The following RAD51B variants were observed in gnomAD, a reference collection of about 807,000 sequenced individuals.
RAD51B encodes the protein DNA repair protein RAD51 homolog 2.
A neutral mutation model predicts 42.2 loss-of-function variants in RAD51B; 38 were observed. The observed-to-expected ratio is 0.90, with a 90% CI of 0.70 to 1.18. RAD51B has a LOEUF of 1.18. Ranked by LOEUF, RAD51B falls within the 50% of genes most tolerant of loss-of-function variation. RAD51B has a pLI of 0.00. For synonymous variants in RAD51B, 154 were observed against 145.2 expected (o/e 1.06, Z -0.43); for missense variants, 373 against 400.7 (o/e 0.93, Z 0.59).
intron 7 of RAD51B, among the ~76,000 whole-genome samples, chr14:68,125,759 G>T (rs418462): frequency 0.28 from 42,715 of 149,892 alleles, 8,632 homozygotes; most frequent in African/African-American, 0.58. Flanking sequence ...GTTTTGTTTT[G>T]TTTTTTCAAA....
chr14:67,823,495 T>G lies in RAD51B; in HGVS notation c.-2-47T>G. 4 of 1,535,046 alleles carry G rather than the reference T, an allele frequency of 2.6e-6. No individual in the cohort carries two copies. In the South Asian group the frequency reaches 3.4e-5, roughly 13 times the overall value. ...CCTATTCACTATCACTTATGTTATA[T>G]TCTGTTGTTTTTTTCATGGTTCTTC... On this transcript the variant is annotated intron_variant, in intron 1 of 10. Transcript: ENST00000471583.
chr14:68,620,939 A>T (rs1404288799), intron 10 of RAD51B, among the ~76,000 whole-genome samples: 1 of 152,210 alleles, frequency 6.6e-6, no homozygotes, highest in Non-Finnish European at 1.5e-5. Flanking sequence ...TTTGTATAGT[A>T]AACACTCTAT....
At chr14:67,899,243 G>A (rs371917657) in intron 7 of RAD51B, among the ~76,000 whole-genome samples, 1 of 151,626 alleles carries the variant, frequency 6.6e-6, no homozygotes, top group East Asian at 1.9e-4. Flanking sequence ...TAGAGACGGG[G>A]TTTCACCATG....
intron 7 of RAD51B, among the ~76,000 whole-genome samples, chr14:68,196,190 CAAAAA>C (rs538516792): frequency 8.9e-6 from 1 of 112,244 alleles, no homozygotes; most frequent in African/African-American, 3.6e-5. Flanking sequence ...GACTCCATCT[CAAAAA>C]AAAAAAAAAA....
chr14:68,100,696 A>G (rs2140549339), intron 7 of RAD51B, among the ~76,000 whole-genome samples: 1 of 152,270 alleles, frequency 6.6e-6, no homozygotes, highest in East Asian at 1.9e-4. Context: ...TGAATATTGA[A>G]TTGGCTAAAA....
intron 7 of RAD51B, among the ~76,000 whole-genome samples, chr14:67,909,265 A>AAGAGC (rs1432524342): frequency 1.8e-4 from 28 of 152,344 alleles, no homozygotes; most frequent in African/African-American, 6.5e-4. Context: ...GTGAGGTAAT[A>AAGAGC]AGAGCTTAAA....
At chr14:68,131,627 C>T (rs778277624) in intron 7 of RAD51B, among the ~76,000 whole-genome samples, 7 of 152,032 alleles carry the variant, frequency 4.6e-5, no homozygotes, top group Non-Finnish European at 8.8e-5. Flanking sequence ...ACCCAGTGGG[C>T]GGAGGTTGCA....
chr14:68,395,089 C>T (rs1441040178), intron 8 of RAD51B, among the ~76,000 whole-genome samples: 4 of 152,132 alleles, frequency 2.6e-5, no homozygotes, highest in Non-Finnish European at 5.9e-5. Context: ...ACATTCTCCA[C>T]GGCCATCTGT....
intron 7 of RAD51B, among the ~76,000 whole-genome samples, chr14:68,204,716 C>T (rs561858457): frequency 6.6e-6 from 1 of 152,170 alleles, no homozygotes; most frequent in South Asian, 2.1e-4. Flanking sequence ...TAAAAAATAG[C>T]CGTTTACCCT....
chr14:68,042,382 G>T (rs781558724), intron 7 of RAD51B, among the ~76,000 whole-genome samples: 8 of 152,108 alleles, frequency 5.3e-5, no homozygotes, highest in African/African-American at 9.7e-5. Flanking sequence ...ATTACAGGAG[G>T]TACTGAAAGA....
chr14:68,526,750 A>G (rs558975915), intron 10 of RAD51B, among the ~76,000 whole-genome samples: 2 of 152,332 alleles, frequency 1.3e-5, no homozygotes, highest in Admixed American at 1.3e-4. Flanking sequence ...AGCCCACTGC[A>G]TGGCCCACCA....
At chr14:67,952,623 C>T (rs1388623128) in intron 7 of RAD51B, among the ~76,000 whole-genome samples, 1 of 151,376 alleles carries the variant, frequency 6.6e-6, no homozygotes, top group Non-Finnish European at 1.5e-5. Flanking sequence ...AAGTAAGTGA[C>T]ATCACACCTT....
At chr14:68,043,049 G>C (rs1216491455) in intron 7 of RAD51B, among the ~76,000 whole-genome samples, 1 of 150,872 alleles carries the variant, frequency 6.6e-6, no homozygotes, top group Non-Finnish European at 1.5e-5. Context: ...TCTTTGAATG[G>C]GGAAAAAAAA....
intron 10 of RAD51B, chr14:68,497,616 C>A: frequency 1.3e-6 from 1 of 785,878 alleles, no homozygotes; most frequent in Non-Finnish European, 1.6e-6. Context: ...CAACCAGCAT[C>A]TCTGTCTAGT....
chr14:68,175,754 G>A (rs1422442755), intron 7 of RAD51B, among the ~76,000 whole-genome samples: 1 of 152,128 alleles, frequency 6.6e-6, no homozygotes, highest in Non-Finnish European at 1.5e-5. Context: ...AGTACTGGTA[G>A]AAAATGTGTG....
intron 7 of RAD51B, among the ~76,000 whole-genome samples, chr14:68,145,981 A>T (rs2078239423): frequency 6.6e-6 from 1 of 152,218 alleles, no homozygotes; most frequent in Non-Finnish European, 1.5e-5. Flanking sequence ...GAACAGCTTC[A>T]GTGTGAAATT....
At chr14:68,377,155 C>T (rs1419514595) in intron 8 of RAD51B, among the ~76,000 whole-genome samples, 4 of 152,208 alleles carry the variant, frequency 2.6e-5, no homozygotes, top group Non-Finnish European at 5.9e-5. Flanking sequence ...TTGTGGTTGT[C>T]TAAAAATCCA....
intron 7 of RAD51B, among the ~76,000 whole-genome samples, chr14:68,057,821 T>TTGTGTGTGTGTGTGTGTGTG (rs140213534): frequency 5.8e-5 from 8 of 138,600 alleles, no homozygotes; most frequent in African/African-American, 2.1e-4. Context: ...TTTTAGTTCT[T>TTGTGTGTGTGTGTGTGTGTG]TGTGTGTGTG....
intron 9 of RAD51B, among the ~76,000 whole-genome samples, chr14:68,464,950 T>G (rs1359991298): frequency 6.6e-6 from 1 of 152,164 alleles, no homozygotes; most frequent in Non-Finnish European, 1.5e-5. Context: ...AGGTGTGAGA[T>G]CCTTTTGGCT....
Sources: gnomAD v4.1 joint callset for allele counts (sites outside exome capture counted in the v4.1 genomes callset) on GRCh38, gnomAD v4.1.1 for gene constraint, MANE v1.5 for transcripts, NCBI Gene and HGNC (gene_info 2026-07-23, HGNC 2026-07-21) for gene names.